PRKCZ: variants seen among roughly 807,000 people sequenced by gnomAD.
The protein encoded by PRKCZ is protein kinase C zeta type.
Under a neutral mutation model 79.5 loss-of-function variants are expected in PRKCZ, and 33 were observed. The ratio of observed to expected loss-of-function variants is 0.41; its 90% confidence interval spans 0.31 to 0.55. The LOEUF is 0.55. Ranked by LOEUF, PRKCZ falls within the 20% of genes least tolerant of loss-of-function variation. The probability of loss-of-function intolerance (pLI) is 0.19; values close to 1 mark genes in which losing one functional copy is unlikely to be tolerated. For missense variants in PRKCZ, 578 were observed against 813.5 expected (o/e 0.71, Z 3.52); for synonymous variants, 342 against 320.9 (o/e 1.07, Z -0.70).
At chr1:2,087,174 C>T (rs1664671774) in intron 4 of PRKCZ, among the ~76,000 whole-genome samples, 2 of 152,040 alleles carry the variant, frequency 1.3e-5, no homozygotes, top group Non-Finnish European at 2.9e-5. Flanking sequence ...CCACTGCCTC[C>T]CGGGTTCAAT....
intron 4 of PRKCZ, among the ~76,000 whole-genome samples, chr1:2,106,402 A>G (rs946806629): frequency 1.1e-4 from 17 of 152,038 alleles, no homozygotes; most frequent in African/African-American, 3.4e-4. Context: ...ACTCTCAGCA[A>G]GCCCCTCTAG....
At chr1:2,167,022 C>T (rs1261896890) in intron 10 of PRKCZ, among the ~76,000 whole-genome samples, 1 of 152,256 alleles carries the variant, frequency 6.6e-6, no homozygotes, top group Non-Finnish European at 1.5e-5. Flanking sequence ...CACGCAGAGT[C>T]GCCTTAGAGT....
intron 10 of PRKCZ, among the ~76,000 whole-genome samples, chr1:2,167,301 C>A (rs1683528162): frequency 6.6e-6 from 1 of 152,250 alleles, no homozygotes; most frequent in African/African-American, 2.4e-5. Context: ...AAATGTCCCC[C>A]AAATTCTCTC....
intron 10 of PRKCZ, among the ~76,000 whole-genome samples, chr1:2,164,390 G>A (rs369852016): frequency 2.6e-5 from 4 of 152,216 alleles, no homozygotes; most frequent in South Asian, 2.1e-4. Context: ...CCTGAGCTCC[G>A]TGGGGCCACA....
chr1:2,073,881 C>A, intron 4 of PRKCZ: 1 of 1,169,352 alleles, frequency 8.6e-7, no homozygotes, highest in Non-Finnish European at 1.1e-6. Context: ...ACGCCCGCCG[C>A]GCACAGAGCA....
intron 4 of PRKCZ, chr1:2,104,817 C>T: frequency 1.0e-6 from 1 of 985,934 alleles, no homozygotes; most frequent in African/African-American, 1.7e-5. Context: ...TTGGAGGGCG[C>T]TTCCTCGCCG....
intron 10 of PRKCZ, among the ~76,000 whole-genome samples, chr1:2,162,089 T>C (rs572100158): frequency 1.3e-5 from 2 of 152,172 alleles, no homozygotes; most frequent in African/African-American, 2.4e-5. Context: ...ATGTGGACTT[T>C]ATAATCAACC....
At position 2,102,482 on chromosome 1, in the gene PRKCZ, A is replaced by G. The variant is rs375551591; in HGVS notation, c.335-32780A>G. ...CGAGTAGCTGGGAGTACAGGCGCCC[A>G]CCACCACGTCCCGCTAATTTTTTGT... On this transcript the variant is annotated intron_variant, in intron 4 of 17. Coordinates refer to ENST00000378567, the MANE Select transcript of PRKCZ (RefSeq NM_002744.6). Among the ~76,000 whole-genome samples, 143 of 151,648 alleles carry G rather than the reference A, an allele frequency of 9.4e-4. 1 individual carries two copies. The highest frequency in any genetic ancestry group is 7.6e-3 in the East Asian group (39 of 5,132).
At chr1:2,079,109 C>T (rs28470807) in intron 4 of PRKCZ, among the ~76,000 whole-genome samples, 29,062 of 152,142 alleles carry the variant, frequency 0.19, 3,623 homozygotes, top group East Asian at 0.61. Flanking sequence ...CCCAAAGTGC[C>T]GGGATTACAG....
chr1:2,108,671 C>T (rs1340874160), intron 4 of PRKCZ, among the ~76,000 whole-genome samples: 1 of 152,202 alleles, frequency 6.6e-6, no homozygotes, highest in Non-Finnish European at 1.5e-5. Flanking sequence ...AGAAGCAGGC[C>T]CCGAGTCCCC....
intron 4 of PRKCZ, among the ~76,000 whole-genome samples, chr1:2,078,880 T>G (rs1662938386): frequency 6.7e-6 from 1 of 150,062 alleles, no homozygotes; most frequent in Non-Finnish European, 1.5e-5. Flanking sequence ...TCTTGCTCTG[T>G]CGCCCAGGCT....
intron 4 of PRKCZ, among the ~76,000 whole-genome samples, chr1:2,096,275 A>C (rs926851909): frequency 2.0e-5 from 3 of 151,850 alleles, no homozygotes; most frequent in African/African-American, 7.3e-5. Context: ...GCACGGCAGC[A>C]TGATCGGTCC....
chr1:2,053,322 A>G (rs1278023428), intron 1 of PRKCZ, among the ~76,000 whole-genome samples: 1 of 152,070 alleles, frequency 6.6e-6, no homozygotes, highest in Non-Finnish European at 1.5e-5. Context: ...GCTGGTCTCG[A>G]ACTTCTGACC....
chr1:2,160,415 G>A (rs1002403255), intron 10 of PRKCZ, among the ~76,000 whole-genome samples: 4 of 152,194 alleles, frequency 2.6e-5, no homozygotes, highest in South Asian at 2.1e-4. Flanking sequence ...GTGGGACTCC[G>A]TGGAGAGGGG....
intron 6 of PRKCZ, chr1:2,144,551 T>C (rs1163968300): frequency 2.8e-6 from 4 of 1,404,182 alleles, no homozygotes; most frequent in African/African-American, 1.5e-5. Flanking sequence ...CACACTCTGC[T>C]CATTGGGGCA....
At position 2,173,754 on chromosome 1, in the gene PRKCZ, G is replaced by T; in HGVS notation, c.1286-143G>T. On this transcript the variant is annotated intron_variant, in intron 13 of 17. Transcript: ENST00000378567. This position sits in a 1 kb window ranked among gnomAD's most constrained non-coding sequence, Gnocchi z 5.7. ...GAGGTGCTGGTTCTGTTTGGGAAGT[G>T]GAAGTCACAGAGGCCTGTGTGCCGC... is the stretch of plus-strand genomic sequence containing the variant. 8.2e-7 allele frequency: 1 copy of T among 1,224,906 alleles called. No individual in the cohort carries two copies. Among genetic ancestry groups the T allele is most frequent in the Non-Finnish European group, 1.1e-6 (1 of 904,760 alleles). The allele number at this position is 1,224,906 out of a possible 1,614,324, so 75.9% of individuals were successfully genotyped here.
chr1:2,153,466 C>T (rs569718718), intron 9 of PRKCZ, among the ~76,000 whole-genome samples: 1 of 152,302 alleles, frequency 6.6e-6, no homozygotes, highest in South Asian at 2.1e-4. Flanking sequence ...TGGGGCTGAG[C>T]CTCTACTACC....
chr1:2,070,722 A>G (rs1571154868), intron 4 of PRKCZ, among the ~76,000 whole-genome samples: 1 of 65,710 alleles, frequency 1.5e-5, no homozygotes, highest in Non-Finnish European at 3.1e-5. Context: ...CTGACCCCAC[A>G]GTGGGGGCCA....
intron 4 of PRKCZ, among the ~76,000 whole-genome samples, chr1:2,104,434 CTG>C (rs1204359434): frequency 6.6e-6 from 1 of 152,148 alleles, no homozygotes; most frequent in Non-Finnish European, 1.5e-5. Flanking sequence ...CTCAGGGCCT[CTG>C]TGTCCAGTTC....
Sources: gnomAD v4.1 joint callset for allele counts (sites outside exome capture counted in the v4.1 genomes callset) on GRCh38, gnomAD v4.1.1 for gene constraint, Gnocchi (gnomAD v3.1) non-coding constraint, MANE v1.5 for transcripts, NCBI Gene and HGNC (gene_info 2026-07-23, HGNC 2026-07-21) for gene names.